Variants in PPM1G observed in about 807,000 individuals in gnomAD.
PPM1G encodes protein phosphatase, Mg2+/Mn2+ dependent 1G, also known as protein phosphatase 1G.
Under a neutral mutation model 59.4 loss-of-function variants are expected in PPM1G, and 12 were observed. The ratio of observed to expected loss-of-function variants is 0.20; its 90% CI spans 0.13 to 0.33. The LOEUF (loss-of-function observed/expected upper bound fraction) is 0.33, where lower values mean the gene tolerates loss of function less well. Ranked by LOEUF, PPM1G falls within the 10% of genes least tolerant of loss-of-function variation. PPM1G has a pLI of 1.00. For synonymous variants in PPM1G, 245 were observed against 251.9 expected (o/e 0.97, Z 0.26); for missense variants, 392 against 681.3 (o/e 0.58, Z 4.73).
intron 1 of PPM1G, among the ~76,000 whole-genome samples, chr2:27,395,034 A>G (rs1231447337): frequency 1.3e-5 from 2 of 152,018 alleles, no homozygotes; most frequent in African/African-American, 4.8e-5. Context: ...GTTTGAGATC[A>G]GCCTGACCAA....
chr2:27,409,218 C>A, intron 1 of PPM1G, 85 bp downstream of exon 1: 1 of 1,477,694 alleles, frequency 6.8e-7, no homozygotes, highest in Non-Finnish European at 9.0e-7. Flanking sequence ...GGGACCCTTC[C>A]CAGGGGAGGA....
intron 1 of PPM1G, chr2:27,393,228 A>G (rs957536920): frequency 2.6e-6 from 4 of 1,566,408 alleles, no homozygotes; most frequent in Admixed American, 3.3e-5. Context: ...CTTCAAAGCC[A>G]CATCATCGCT....
In PPM1G at chr2:27,383,040, T is replaced by C. The variant is rs1206606869; in HGVS notation, c.1201+326A>G. ...TAGTAGAGATGGGGTTTCACCATGT[T>C]GGCCAGGCTGGCCTCGAACTCCTGA... On this transcript the variant is annotated intron_variant, in intron 7 of 9. Coordinates refer to ENST00000344034, the MANE Select transcript of PPM1G (RefSeq NM_177983.3). This position sits in a 1 kb window ranked among gnomAD's most constrained non-coding sequence, Gnocchi z 5.0. 6.6e-6 allele frequency among the ~76,000 whole-genome samples: 1 copy of C among 151,926 alleles called. No individual in the cohort carries two copies.
At chr2:27,388,407 T>A (rs559150527) in intron 1 of PPM1G, among the ~76,000 whole-genome samples, 2 of 152,000 alleles carry the variant, frequency 1.3e-5, no homozygotes, top group East Asian at 3.9e-4. Context: ...AGACTCCGTC[T>A]CTAAATAAAT....
At chr2:27,408,989 GT>G (rs1663447236) in intron 1 of PPM1G, among the ~76,000 whole-genome samples, 1 of 152,204 alleles carries the variant, frequency 6.6e-6, no homozygotes, top group African/African-American at 2.4e-5. Context: ...ACCTCACACC[GT>G]TGATGAGCCT....
At position 27,384,567 on chromosome 2, in the gene PPM1G, G is replaced by A; in HGVS notation, c.825+106C>T. On this transcript the variant is annotated intron_variant, in intron 5 of 9. Coordinates refer to ENST00000344034, the MANE Select transcript of PPM1G (RefSeq NM_177983.3). The surrounding 1 kb of genome is among the most constrained non-coding windows in gnomAD (Gnocchi z 4.8). ...AGCTTAGAATACAGTGGGTCTTGGG[G>A]GATGATGTCAAAATAGGAGAAGGAA... is the stretch of plus-strand genomic sequence containing the variant. 7.5e-7 allele frequency: 1 copy of A among 1,327,318 alleles called. No homozygotes were observed. Among genetic ancestry groups the A allele is most frequent in the East Asian group, 2.3e-5 (1 of 43,120 alleles). 82.2% of individuals were successfully genotyped at this position (1,327,318 alleles called of 1,614,324 possible). A position where few individuals can be genotyped will look rare whatever the true frequency, so the allele number is the denominator to read the frequency against.
intron 1 of PPM1G, among the ~76,000 whole-genome samples, chr2:27,394,830 C>A (rs1338737387): frequency 6.6e-6 from 1 of 151,162 alleles, no homozygotes; most frequent in Non-Finnish European, 1.5e-5. Flanking sequence ...GAGGTTTTTC[C>A]TGCACACAAT....
intron 1 of PPM1G, among the ~76,000 whole-genome samples, chr2:27,401,981 C>A (rs1684189756): frequency 6.6e-6 from 1 of 151,674 alleles, no homozygotes; most frequent in East Asian, 1.9e-4. Flanking sequence ...TGGTATGAAC[C>A]ATACAGTATA....
Position 27,385,230 on chromosome 2 carries a change from G to C in PPM1G, c.410-142C>G. 1 of 932,148 alleles carries C rather than the reference G, an allele frequency of 1.1e-6. No homozygotes were observed. The allele number at this position is 932,148 out of a possible 1,614,324, so 57.7% of individuals were successfully genotyped here. A position where few individuals can be genotyped will look rare whatever the true frequency, so the allele number is the denominator to read the frequency against. On this transcript the variant is annotated intron_variant, in intron 4 of 9. Coordinates refer to ENST00000344034, the MANE Select transcript of PPM1G (RefSeq NM_177983.3). This position sits in a 1 kb window ranked among gnomAD's most constrained non-coding sequence, Gnocchi z 4.1. Reference sequence around the variant, plus strand: ...GGTTCCTCTCGCTCAAGTCTCAGAAGAACATGCCCTAGCTCCTCCTCCTCC... The same window carrying C: ...GGTTCCTCTCGCTCAAGTCTCAGAACAACATGCCCTAGCTCCTCCTCCTCC...
intron 1 of PPM1G, among the ~76,000 whole-genome samples, chr2:27,391,453 T>C (rs1021793627): frequency 3.9e-5 from 6 of 152,244 alleles, no homozygotes; most frequent in East Asian, 1.9e-4. Context: ...CGTTTTTTCA[T>C]GTTTGTGGGC....
At chr2:27,403,318 T>C (rs2148427725) in intron 1 of PPM1G, among the ~76,000 whole-genome samples, 1 of 151,744 alleles carries the variant, frequency 6.6e-6, no homozygotes, top group African/African-American at 2.4e-5. Flanking sequence ...TGGTGGCGAG[T>C]GCCTGTAATC....
rs1429889595 is a variant in PPM1G at position 27,382,158 on chromosome 2, C to T, written c.1402G>A (p.Glu468Lys). ...ACAATGGATGACAATAACCGAAGCT[C>T]CCCATTTTCATCACGCTGGCTGATC... ...SKISQRDENG[E>K]LRLLSSIVEE... The change falls in exon 9 of 10, where the codon GAG becomes AAG. Residue 468 changes from glutamate (E) to lysine (K), a missense_variant. Physicochemically the swap from Glu to Lys is moderately conservative, Grantham distance 56. Transcript: ENST00000344034. This position sits in a 1 kb window ranked among gnomAD's most constrained non-coding sequence, Gnocchi z 4.2. The T allele has an allele frequency of 6.2e-7, 1 of 1,614,202 alleles. No individual in the cohort carries two copies. The highest frequency in any genetic ancestry group is 1.7e-5 in the Admixed American group (1 of 60,028).
Position 27,390,080 on chromosome 2 carries a change from G to A in PPM1G, c.121-2922C>T, listed in dbSNP as rs1728927. Among the ~76,000 whole-genome samples the A allele has an allele frequency of 5.1e-3, 779 of 151,900 alleles. 5 individuals are homozygous for A. The highest frequency in any genetic ancestry group is 0.018 in the African/African-American group (737 of 41,374). ...CTCCCAGGCTGGAGTAGAGTGGCGC[G>A]ATCTAGGCTCACCATATCCTCCACT... On this transcript the variant is annotated intron_variant, in intron 1 of 9. Transcript: ENST00000344034.
intron 1 of PPM1G, among the ~76,000 whole-genome samples, chr2:27,387,735 G>C (rs1254199077): frequency 1.3e-5 from 2 of 152,146 alleles, no homozygotes; most frequent in Non-Finnish European, 2.9e-5. Context: ...TCCTGACCTT[G>C]TGATCTGCCT....
intron 1 of PPM1G, among the ~76,000 whole-genome samples, chr2:27,405,145 C>T (rs2148428590): frequency 6.8e-6 from 1 of 148,040 alleles, no homozygotes; most frequent in African/African-American, 2.5e-5. Context: ...GCGATCTCGG[C>T]TCACTGCAAC....
At chr2:27,390,106 T>G (rs1274228493) in intron 1 of PPM1G, among the ~76,000 whole-genome samples, 1 of 151,934 alleles carries the variant, frequency 6.6e-6, no homozygotes, top group Non-Finnish European at 1.5e-5. Flanking sequence ...ATCCTCCACT[T>G]TCCAGGTTCA....
intron 1 of PPM1G, among the ~76,000 whole-genome samples, chr2:27,401,522 CTGTT>C (rs1376883259): frequency 2.0e-5 from 3 of 152,168 alleles, no homozygotes; most frequent in Admixed American, 1.3e-4. Flanking sequence ...TTGTACAACT[CTGTT>C]TGAATACACT....
intron 1 of PPM1G, among the ~76,000 whole-genome samples, chr2:27,404,938 C>T (rs886577442): frequency 2.1e-5 from 3 of 142,704 alleles, no homozygotes; most frequent in Admixed American, 1.4e-4. Flanking sequence ...TGCAAGACTC[C>T]GTCTCGGAGA....
chr2:27,392,614 G>T (rs1382075945), intron 1 of PPM1G, among the ~76,000 whole-genome samples: 6 of 150,536 alleles, frequency 4.0e-5, no homozygotes, highest in Non-Finnish European at 7.4e-5. Flanking sequence ...TTTTTTTTGG[G>T]GGGGGGGAGG....
Sources: gnomAD v4.1 joint callset for allele counts (sites outside exome capture counted in the v4.1 genomes callset) on GRCh38, gnomAD v4.1.1 for gene constraint, Gnocchi (gnomAD v3.1) non-coding constraint, MANE v1.5 for transcripts, NCBI Gene and HGNC (gene_info 2026-07-23, HGNC 2026-07-21) for gene names.